EHBP1: variants seen among roughly 807,000 people sequenced by gnomAD.
The protein encoded by EHBP1 is EH domain binding protein 1.
EHBP1 carries 55 observed loss-of-function variants against 144.0 expected under a neutral mutation model. The observed-to-expected ratio is 0.38, with a 90% CI of 0.31 to 0.48. EHBP1 has a LOEUF of 0.48. Ranked by LOEUF, EHBP1 falls within the 20% of genes least tolerant of loss-of-function variation. The pLI is 0.98. For missense variants in EHBP1, 1,200 were observed against 1,364.2 expected (o/e 0.88, Z 1.90); for synonymous variants, 469 against 472.7 (o/e 0.99, Z 0.10).
At chr2:63,004,949 T>C (rs1349123393) in intron 19 of EHBP1, among the ~76,000 whole-genome samples, 3 of 152,128 alleles carry the variant, frequency 2.0e-5, no homozygotes, top group Non-Finnish European at 4.4e-5. Flanking sequence ...ACAACAATTT[T>C]ATTTTATTCT....
chr2:62,775,063 C>T (rs183990635), intron 5 of EHBP1, among the ~76,000 whole-genome samples: 1 of 152,210 alleles, frequency 6.6e-6, no homozygotes, highest in African/African-American at 2.4e-5. Context: ...GATCCCCCGT[C>T]TTTATGATTA....
At chr2:62,922,665 A>G (rs2055176726) in intron 10 of EHBP1, among the ~76,000 whole-genome samples, 1 of 152,212 alleles carries the variant, frequency 6.6e-6, no homozygotes, top group South Asian at 2.1e-4. Context: ...AATACAAGGA[A>G]TAAATAGCCA....
upstream of EHBP1, among the ~76,000 whole-genome samples, chr2:62,701,210 T>G (rs1414681054): frequency 6.6e-6 from 1 of 152,216 alleles, no homozygotes; most frequent in Non-Finnish European, 1.5e-5. Context: ...TAATTTACAT[T>G]TTTCCAGTAG....
rs533473003 is a variant in EHBP1 at position 62,843,997 on chromosome 2, A to G, written c.634+12839A>G. Among the ~76,000 whole-genome samples, 87 of 152,338 alleles carry G rather than the reference A, an allele frequency of 5.7e-4. 1 individual carries two copies. Among genetic ancestry groups the G allele is most frequent in the South Asian group, 2.3e-3 (11 of 4,830 alleles). ...TTCCTGTTAATTATATCTTAATATT[A>G]TAATCTAAATGCATAAAGTGCAATT... On this transcript the variant is annotated intron_variant, in intron 7 of 22. Coordinates refer to ENST00000431489, the MANE Select transcript of EHBP1 (RefSeq NM_001142616.3).
At chr2:62,849,421 C>G (rs1042363276) in intron 7 of EHBP1, among the ~76,000 whole-genome samples, 1 of 151,988 alleles carries the variant, frequency 6.6e-6, no homozygotes, top group African/African-American at 2.4e-5. Flanking sequence ...TGACTTCAGC[C>G]CACTGCCATC....
intron 10 of EHBP1, among the ~76,000 whole-genome samples, chr2:62,914,049 G>A (rs971235344): frequency 6.6e-6 from 1 of 152,132 alleles, no homozygotes; most frequent in Non-Finnish European, 1.5e-5. Flanking sequence ...CCTAGAAAGA[G>A]AGTGTCAAAC....
At chr2:62,891,158 CAAA>C (rs34477729) in intron 10 of EHBP1, among the ~76,000 whole-genome samples, 5 of 66,016 alleles carry the variant, frequency 7.6e-5, no homozygotes, top group Non-Finnish European at 8.7e-5. Flanking sequence ...GCCTGGGCGA[CAAA>C]AAAAAAAAAA....
At chr2:62,705,355 C>T (rs954145603), upstream of EHBP1, among the ~76,000 whole-genome samples, 2 of 152,116 alleles carry the variant, frequency 1.3e-5, no homozygotes, top group East Asian at 3.9e-4. Flanking sequence ...CCCGCACCAG[C>T]GGCGCCTTTG....
chr2:62,717,099 T>A (rs1469867990), intron 2 of EHBP1, among the ~76,000 whole-genome samples: 1 of 152,186 alleles, frequency 6.6e-6, no homozygotes, highest in Non-Finnish European at 1.5e-5. Context: ...TTTCCTGTCA[T>A]GATTTTAAAG....
rs555942630 is a variant in EHBP1, at chr2:62,873,166, A to G, written c.999-1180A>G. Among the ~76,000 whole-genome samples, 4 of 152,312 alleles carry G rather than the reference A, an allele frequency of 2.6e-5. No individual in the cohort carries two copies. In the South Asian group the frequency reaches 8.3e-4, roughly 32 times the overall value. The stretch of plus-strand genomic sequence containing the variant: ...ACAATATAGAATTACAAAACACACA[A>G]GGAAACAGTTTACTAAGAGAAAGAG... On this transcript the variant is annotated intron_variant, in intron 9 of 22. Transcript: ENST00000431489.
intron 2 of EHBP1, among the ~76,000 whole-genome samples, chr2:62,736,268 C>T (rs1205986636): frequency 6.9e-6 from 1 of 144,852 alleles, no homozygotes; most frequent in Non-Finnish European, 1.5e-5. Flanking sequence ...GTTCTGTTGC[C>T]CAGGCTGGAG....
At chr2:62,973,157 G>T (rs2058569606) in intron 14 of EHBP1, among the ~76,000 whole-genome samples, 2 of 152,096 alleles carry the variant, frequency 1.3e-5, no homozygotes, top group South Asian at 4.1e-4. Context: ...GTGATAGCTT[G>T]CAAGAAAAAA....
intron 14 of EHBP1, among the ~76,000 whole-genome samples, chr2:62,978,779 A>G (rs79382694): frequency 5.3e-5 from 8 of 152,188 alleles, no homozygotes; most frequent in Non-Finnish European, 1.5e-5. Context: ...TCTGCTATCA[A>G]AGACGTCTTT....
intron 2 of EHBP1, among the ~76,000 whole-genome samples, chr2:62,741,099 TAC>T (rs2038666638): frequency 6.6e-6 from 1 of 152,202 alleles, no homozygotes; most frequent in Non-Finnish European, 1.5e-5. Flanking sequence ...GGGCCCAGGC[TAC>T]TCTTGTCTTA....
intron 5 of EHBP1, among the ~76,000 whole-genome samples, chr2:62,801,573 C>G (rs1377333240): frequency 1.3e-5 from 2 of 152,176 alleles, no homozygotes; most frequent in African/African-American, 4.8e-5. Flanking sequence ...TTTATTGATA[C>G]TCTTCATGAG....
intron 10 of EHBP1, among the ~76,000 whole-genome samples, chr2:62,933,716 G>A (rs1344881375): frequency 6.6e-6 from 1 of 152,118 alleles, no homozygotes; most frequent in African/African-American, 2.4e-5. Flanking sequence ...CTGAAATGTT[G>A]GCAAAGTTCC....
intron 10 of EHBP1, among the ~76,000 whole-genome samples, chr2:62,928,775 A>G (rs2055741583): frequency 1.3e-5 from 2 of 151,364 alleles, no homozygotes; most frequent in South Asian, 4.2e-4. Flanking sequence ...AAATTAATGA[A>G]CCCAGATGTT....
chr2:62,683,568 A>G (rs975603828), intron 1 of EHBP1, among the ~76,000 whole-genome samples: 7 of 146,464 alleles, frequency 4.8e-5, no homozygotes, highest in Non-Finnish European at 9.0e-5. Flanking sequence ...CTGGGGCAGG[A>G]GAATGGTGTG....
chr2:62,993,045 A>G (rs1360288853), intron 16 of EHBP1, among the ~76,000 whole-genome samples: 3 of 152,158 alleles, frequency 2.0e-5, no homozygotes, highest in African/African-American at 7.2e-5. Context: ...AGATAATTGT[A>G]GTTTCCTTAG....
Sources: allele counts gnomAD v4.1 joint callset (sites outside exome capture counted in the v4.1 genomes callset), GRCh38; gene constraint gnomAD v4.1.1; transcripts MANE v1.5; gene names NCBI Gene and HGNC (gene_info 2026-07-23, HGNC 2026-07-21).